The following GTF2H3 variants were observed in gnomAD, a reference collection of about 807,000 sequenced individuals.
The protein encoded by GTF2H3 is TFIIH basal transcription factor complex p34 subunit.
A neutral mutation model predicts 51.1 loss-of-function variants in GTF2H3; 42 were observed. The observed-to-expected ratio is 0.82, with a 90% CI of 0.64 to 1.06. The LOEUF is 1.06. GTF2H3 is among the 50% of genes least tolerant of loss of function. The pLI is 0.00. For synonymous variants in GTF2H3, 123 were observed against 123.8 expected, an observed-to-expected ratio of 0.99 and a Z score of 0.04; for missense variants, 326 against 366.1, an observed-to-expected ratio of 0.89 and a Z score of 0.89.
intron 8 of GTF2H3, 107 bp from the exon 9 acceptor site, chr12:123,655,664 A>G: frequency 2.9e-6 from 2 of 697,722 alleles, no homozygotes; most frequent in Non-Finnish European, 5.1e-6. Context: ...CACGTTGCAT[A>G]TTGAGTGAGC....
chr12:123,637,899 C>G (rs1226112419), intron 1 of GTF2H3, among the ~76,000 whole-genome samples: 1 of 152,156 alleles, frequency 6.6e-6, no homozygotes. Context: ...ATTTTTTGCT[C>G]CTGAAATTCT....
At chr12:123,637,504 CTT>C (rs869031925) in intron 1 of GTF2H3, among the ~76,000 whole-genome samples, 10 of 140,784 alleles carry the variant, frequency 7.1e-5, no homozygotes, top group Admixed American at 7.1e-5. Context: ...TGTTTTTTAA[CTT>C]TTTTTTTTTT....
chr12:123,645,495 G>A lies in GTF2H3; in HGVS notation c.134G>A (p.Gly45Glu), dbSNP rs1052405177. The part of the protein sequence containing the change: ...SKCIDAVMVL[G>E]NSHLFMNRSN... ...TGCATAGATGCCGTGATGGTGCTGG[G>A]AAATTCGCATTTATTCATGAATCGT... The change falls in exon 3 of 13, where the codon GGA becomes GAA. Residue 45 changes from glycine to glutamate, a missense_variant. Physicochemically the swap from Gly to Glu is moderately conservative, Grantham distance 98. Coordinates refer to ENST00000543341, the MANE Select transcript of GTF2H3 (RefSeq NM_001516.5). The A allele has an allele frequency of 1.9e-6, 3 of 1,610,298 alleles. No individual in the cohort carries two copies. Among genetic ancestry groups the A allele is most frequent in the African/African-American group, 2.7e-5 (2 of 74,938 alleles).
chr12:123,659,414 T>G, intron 9 of GTF2H3, 102 bp from the exon 10 acceptor site: 1 of 789,570 alleles, frequency 1.3e-6, no homozygotes, highest in Non-Finnish European at 2.3e-6. Flanking sequence ...TGTCATATCC[T>G]CCTCTGATTT....
rs11572971 is a variant in GTF2H3, at chr12:123,651,586, G to A, written c.427+530G>A. On this transcript the variant is annotated intron_variant, in intron 5 of 12. Coordinates refer to ENST00000543341, the MANE Select transcript of GTF2H3 (RefSeq NM_001516.5). ...TGTAATCCCAGCACTTTGGGAGGCC[G>A]AGGCAGGCGGATCATGAGGTCAGGA... Among the ~76,000 whole-genome samples the A allele has an allele frequency of 1.7e-3, 257 of 152,068 alleles. 2 individuals are homozygous for A. Among genetic ancestry groups the A allele is most frequent in the African/African-American group, 5.9e-3 (245 of 41,512 alleles).
chr12:123,636,015 C>T (rs780603053), intron 1 of GTF2H3, among the ~76,000 whole-genome samples: 2 of 152,054 alleles, frequency 1.3e-5, no homozygotes, highest in Non-Finnish European at 1.5e-5. Context: ...TTGCAGAATA[C>T]GAATACCATA....
In GTF2H3 at chr12:123,647,757, A is replaced by AT. The variant is rs538711875; in HGVS notation, c.201-202dup. Among the ~76,000 whole-genome samples, 8 of 152,238 alleles carry AT rather than the reference A, an allele frequency of 5.3e-5. No individual in the cohort carries two copies. The East Asian group carries it at 1.5e-3, about 29-fold the overall frequency. ...TAGACAAATGTTGGCCAGTTTGCCT[A>AT]TTTTATACATTTTTTCTTTGTTTTT... On this transcript the variant is annotated intron_variant, in intron 3 of 12. Coordinates refer to ENST00000543341, the MANE Select transcript of GTF2H3 (RefSeq NM_001516.5).
intron 9 of GTF2H3, among the ~76,000 whole-genome samples, chr12:123,657,083 A>G (rs567877099): frequency 1.1e-4 from 17 of 152,174 alleles, no homozygotes; most frequent in African/African-American, 3.6e-4. Flanking sequence ...CCTCTTAAGA[A>G]AAAAAAATGT....
rs535951806 is a variant in GTF2H3 at position 123,652,906 on chromosome 12, C to T, written c.486+171C>T. Among the ~76,000 whole-genome samples the T allele has an allele frequency of 5.2e-4, 79 of 152,018 alleles. No homozygotes were observed. In the South Asian group the frequency reaches 5.6e-3, roughly 11 times the overall value. ...CAGCCTGGCCAACATGGTGAAACCC[C>T]GTCTCTACTCAAAATACAAAAATTA... On this transcript the variant is annotated intron_variant, in intron 7 of 12. Coordinates refer to ENST00000543341, the MANE Select transcript of GTF2H3 (RefSeq NM_001516.5).
At chr12:123,642,273 C>A (rs935291655) in intron 2 of GTF2H3, among the ~76,000 whole-genome samples, 1 of 151,782 alleles carries the variant, frequency 6.6e-6, no homozygotes, top group African/African-American at 2.4e-5. Context: ...CGAGTTCAAG[C>A]AATTCTCCTG....
intron 7 of GTF2H3, among the ~76,000 whole-genome samples, chr12:123,653,232 T>C (rs944651230): frequency 1.3e-5 from 2 of 152,112 alleles, no homozygotes; most frequent in African/African-American, 4.8e-5. Context: ...CTGAGAGCGA[T>C]AGAAGAATAA....
intron 10 of GTF2H3, 47 bp from the exon 11 acceptor site, chr12:123,659,748 T>C: frequency 6.3e-7 from 1 of 1,590,122 alleles, no homozygotes; most frequent in Non-Finnish European, 8.6e-7. Context: ...ATGTTATTTT[T>C]TTCCCATGTT....
rs1052031345 is a variant in GTF2H3 at position 123,651,283 on chromosome 12, T to C, written c.427+227T>C. The C allele has an allele frequency of 3.7e-5, 13 of 355,460 alleles. No homozygotes were observed. In the South Asian group the frequency reaches 4.4e-4, roughly 12 times the overall value. 22.0% of individuals were successfully genotyped at this position (355,460 alleles called of 1,614,324 possible). ...TGGAGTGCAGTGGCACAATCTCGGC[T>C]CACTGCAACCTTCGCCTCCCAGATT... On this transcript the variant is annotated intron_variant, in intron 5 of 12. Transcript: ENST00000543341.
chr12:123,638,785 T>A (rs1425895515), intron 1 of GTF2H3, among the ~76,000 whole-genome samples: 1 of 151,498 alleles, frequency 6.6e-6, no homozygotes, highest in East Asian at 1.9e-4. Context: ...CCCACTGTGC[T>A]TTAAAGCTTT....
At chr12:123,641,143 C>A (rs1955365595) in intron 2 of GTF2H3, among the ~76,000 whole-genome samples, 1 of 151,862 alleles carries the variant, frequency 6.6e-6, no homozygotes, top group Non-Finnish European at 1.5e-5. Context: ...CAGAGCAAGA[C>A]CCCGTCTCAA....
intron 7 of GTF2H3, 109 bp downstream of exon 7, chr12:123,652,844 G>T: frequency 1.0e-6 from 1 of 995,088 alleles, no homozygotes; most frequent in South Asian, 1.8e-5. Flanking sequence ...TTGGGAGGCC[G>T]AGGTGGGCAG....
chr12:123,658,184 G>C (rs945151598), intron 9 of GTF2H3, among the ~76,000 whole-genome samples: 1 of 151,966 alleles, frequency 6.6e-6, no homozygotes, highest in Non-Finnish European at 1.5e-5. Flanking sequence ...AGTCTCCCAA[G>C]TATCTGGGAC....
At chr12:123,647,762 A>G (rs989760805) in intron 3 of GTF2H3, among the ~76,000 whole-genome samples, 1 of 152,166 alleles carries the variant, frequency 6.6e-6, no homozygotes, top group Non-Finnish European at 1.5e-5. Context: ...TGCCTATTTT[A>G]TACATTTTTT....
intron 4 of GTF2H3, chr12:123,649,925 T>G (rs933918015): frequency 1.3e-5 from 2 of 152,234 alleles, no homozygotes; most frequent in Admixed American, 1.3e-4. Flanking sequence ...AAAAATCAGC[T>G]GGAAGGCTTG....
Sources: allele counts gnomAD v4.1 joint callset (sites outside exome capture counted in the v4.1 genomes callset), GRCh38; gene constraint gnomAD v4.1.1; transcripts MANE v1.5; gene names NCBI Gene and HGNC (gene_info 2026-07-23, HGNC 2026-07-21).